The following OR8B2 variants were observed in gnomAD, a reference collection of about 807,000 sequenced individuals.
The protein encoded by OR8B2 is olfactory receptor family 8 subfamily B member 2.
For synonymous variants in OR8B2, 98 were observed against 138.2 expected (o/e 0.71, Z 2.04); for missense variants, 304 against 379.6 (o/e 0.80, Z 1.65).
At chr11:124,388,005 T>G (rs1860728377), upstream of OR8B2, among the ~76,000 whole-genome samples, 1 of 151,882 alleles carries the variant, frequency 6.6e-6, no homozygotes, top group South Asian at 2.1e-4. Context: ...CTAGGTATTT[T>G]ATTCTCTTTG....
At chr11:124,395,275 AAAAAC>A in the OR8B2 span, among the ~76,000 whole-genome samples, 6 of 152,216 alleles carry the variant, frequency 3.9e-5, no homozygotes, top group South Asian at 2.1e-4. Context: ...AAAAAAAGAC[AAAAAC>A]AAAACAAAAC....
the OR8B2 span, among the ~76,000 whole-genome samples, chr11:124,390,835 CAT>C: frequency 4.4e-4 from 67 of 151,750 alleles, no homozygotes; most frequent in Non-Finnish European, 7.4e-4. Context: ...AACACAATTT[CAT>C]ATGTTTTCTT....
At chr11:124,387,194 C>G (rs533964559), upstream of OR8B2, among the ~76,000 whole-genome samples, 1 of 152,264 alleles carries the variant, frequency 6.6e-6, no homozygotes, top group South Asian at 2.1e-4. Context: ...AAAATTTTCT[C>G]CCATGTTGTA....
At chr11:124,393,604 C>T in the OR8B2 span, among the ~76,000 whole-genome samples, 2 of 151,658 alleles carry the variant, frequency 1.3e-5, no homozygotes. Context: ...ATTAAAAAGT[C>T]AGGAAACAAC....
chr11:124,394,347 G>C, the OR8B2 span, among the ~76,000 whole-genome samples: 1 of 152,052 alleles, frequency 6.6e-6, no homozygotes, highest in African/African-American at 2.4e-5. Context: ...AGAAGGAGAT[G>C]TCAAGAAATA....
In OR8B2 at chr11:124,383,050, C is replaced by A. The variant is rs765029743; in HGVS notation, c.294G>T (p.Met98Ile). The A allele has an allele frequency of 1.9e-6, 3 of 1,613,880 alleles. No individual in the cohort carries two copies. The highest frequency in any genetic ancestry group is 8.5e-7 in the Non-Finnish European group (1 of 1,179,856). Residue 98 changes from methionine to isoleucine, a missense_variant, in exon 2 of 2, where the codon ATG (methionine) becomes ATT (isoleucine). Transcript: ENST00000641451. ...KKNIISNVGC[M>I]TRLFFFLFFV... ...AAAAGAGAAAGAAAAACAGCCGAGT[C>A]ATGCACCCAACATTGGAGATAATAT...
At chr11:124,395,263 CA>C in the OR8B2 span, among the ~76,000 whole-genome samples, 2 of 150,660 alleles carry the variant, frequency 1.3e-5, no homozygotes, top group Non-Finnish European at 3.0e-5. Context: ...GATCCTGTCT[CA>C]AAAAAAAGAC....
chr11:124,395,757 CT>C, the OR8B2 span: 5 of 152,164 alleles, frequency 3.3e-5, no homozygotes, highest in African/African-American at 1.2e-4. Flanking sequence ...TAAATGCTGC[CT>C]TTGGCAATAA....
Position 124,383,059 on chromosome 11 carries a change from A to G in OR8B2, c.285T>C (p.Val95=), listed in dbSNP as rs371849868. ...AGAAAAACAGCCGAGTCATGCACCC[A>G]ACATTGGAGATAATATTCTTTTTTG... is the stretch of plus-strand genomic sequence containing the variant. ...FVSKKNIISN[V]GCMTRLFFFL... The change falls in exon 2 of 2, where the codon GTT becomes GTC. Residue 95 remains valine (V), a synonymous_variant. Coordinates refer to ENST00000641451, the MANE Select transcript of OR8B2 (RefSeq NM_001005468.2). 3.7e-6 allele frequency: 6 copies of G among 1,613,788 alleles called. No homozygotes were observed. The highest frequency in any genetic ancestry group is 5.1e-6 in the Non-Finnish European group (6 of 1,179,852).
At chr11:124,389,075 C>T (rs537041418), upstream of OR8B2, among the ~76,000 whole-genome samples, 2 of 152,184 alleles carry the variant, frequency 1.3e-5, no homozygotes, top group South Asian at 2.1e-4. Context: ...CCGCCTGCCT[C>T]GGCCTCCCAA....
At position 124,382,797 on chromosome 11, in the gene OR8B2, G is replaced by C. The variant is rs772707393; in HGVS notation, c.547C>G (p.Pro183Ala). The C allele has an allele frequency of 2.5e-6, 4 of 1,603,918 alleles. No homozygotes were observed. Among genetic ancestry groups the C allele is most frequent in the African/African-American group, 2.7e-5 (2 of 74,580 alleles). Residue 183 changes from proline (P) to alanine (A), a missense_variant, in exon 2 of 2, where the codon CCC becomes GCC. Transcript: ENST00000641451. ...CTGGTGCAGGAAAGCTGGAGGAGGG[G>C]GAGTATGTCACACAAGTAATGGTTG... The part of the protein sequence containing the change: ...IINHYLCDIL[P>A]LLQLSCTSTY...
chr11:124,386,847 G>T (rs556649388), upstream of OR8B2, among the ~76,000 whole-genome samples: 4,137 of 151,552 alleles, frequency 0.027, 115 homozygotes, highest in African/African-American at 0.062. Context: ...ACTTCCACAA[G>T]GGTTGAACTA....
chr11:124,385,797 A>AT (rs1411851069), upstream of OR8B2, among the ~76,000 whole-genome samples: 1 of 151,470 alleles, frequency 6.6e-6, no homozygotes, highest in Non-Finnish European at 1.5e-5. Flanking sequence ...CACCTGGCTA[A>AT]TTTTTTAATT....
chr11:124,382,890 C>T lies in OR8B2; in HGVS notation c.454G>A (p.Gly152Arg). 1 of 1,604,950 alleles carries T rather than the reference C, an allele frequency of 6.2e-7. No individual in the cohort carries two copies. Among genetic ancestry groups the T allele is most frequent in the East Asian group, 2.2e-5 (1 of 44,512 alleles). Reference sequence around the variant, plus strand: ...GTGTGGGCCGTGGCTCCAGCCAATCCCATTATGTAAGCAGCAAAAGTGAGC... The same window carrying T: ...GTGTGGGCCGTGGCTCCAGCCAATCTCATTATGTAAGCAGCAAAAGTGAGC... Reference protein sequence around the residue: ...SMLTFAAYIMGLAGATAHTGC... With the variant: ...SMLTFAAYIMRLAGATAHTGC... Residue 152 changes from glycine to arginine, a missense_variant, in exon 2 of 2, where the codon GGA becomes AGA. By Grantham distance (125) the Gly-to-Arg change is moderately radical. Transcript: ENST00000641451.
chr11:124,389,481 T>C (rs900524585), upstream of OR8B2, among the ~76,000 whole-genome samples: 1 of 152,158 alleles, frequency 6.6e-6, no homozygotes, highest in Non-Finnish European at 1.5e-5. Flanking sequence ...CTGGACAAAG[T>C]AGAATCAAGT....
chr11:124,382,621 A>G lies in OR8B2; in HGVS notation c.723T>C (p.Cys241=), dbSNP rs1330639234. ...TQGRSKAFST[C]SSHVIALSLF... ...GAGACAGAGCAATGACATGAGAGCT[A>G]CAAGTACTGAAGGCTTTTGATCTTC... The change falls in exon 2 of 2, where the codon TGT becomes TGC. Residue 241 remains cysteine, a synonymous_variant. Transcript: ENST00000641451. 7 of 1,612,176 alleles carry G rather than the reference A, an allele frequency of 4.3e-6. No individual in the cohort carries two copies. Among genetic ancestry groups the G allele is most frequent in the South Asian group, 3.3e-5 (3 of 90,800 alleles).
At chr11:124,392,980 C>T in the OR8B2 span, among the ~76,000 whole-genome samples, 2 of 145,528 alleles carry the variant, frequency 1.4e-5, no homozygotes, top group South Asian at 4.6e-4. Context: ...ACTATCTGAT[C>T]TTTGACAAAC....
chr11:124,386,706 C>T (rs1184914185), upstream of OR8B2, among the ~76,000 whole-genome samples: 6 of 151,750 alleles, frequency 4.0e-5, no homozygotes, highest in South Asian at 2.1e-4. Context: ...TGAATAGTGC[C>T]GCAGTAAACA....
intron 1 of OR8B2, among the ~76,000 whole-genome samples, chr11:124,383,813 A>G (rs1459217571): frequency 2.6e-5 from 4 of 152,176 alleles, no homozygotes; most frequent in African/African-American, 4.8e-5. Context: ...GGGGTCTCCT[A>G]TAGGGTTTCT....
Sources: allele counts gnomAD v4.1 joint callset (sites outside exome capture counted in the v4.1 genomes callset), GRCh38; gene constraint gnomAD v4.1.1; transcripts MANE v1.5; gene names NCBI Gene and HGNC (gene_info 2026-07-23, HGNC 2026-07-21).